Variants in ATP6V0D2 observed in about 807,000 individuals in gnomAD.
ATP6V0D2 encodes V-type proton ATPase subunit d 2.
In ATP6V0D2, 40 loss-of-function variants were observed where a neutral mutation model predicts 40.0. The ratio of observed to expected loss-of-function variants is 1.00; its 90% CI spans 0.78 to 1.30. ATP6V0D2 has a LOEUF of 1.30. Ranked by LOEUF, ATP6V0D2 falls within the 50% of genes most tolerant of loss-of-function variation. The probability of loss-of-function intolerance (pLI) is 0.00; values close to 1 mark genes in which losing one functional copy is unlikely to be tolerated. For synonymous variants in ATP6V0D2, 179 were observed against 156.3 expected (o/e 1.15, Z -1.08); for missense variants, 470 against 423.1 (o/e 1.11, Z -0.97).
intron 4 of ATP6V0D2, 116 bp downstream of exon 4, chr8:86,141,645 A>T: frequency 1.5e-6 from 1 of 671,578 alleles, no homozygotes; most frequent in Non-Finnish European, 2.4e-6. Flanking sequence ...GAAACTGTGC[A>T]TATTTGGAAT....
intron 5 of ATP6V0D2, among the ~76,000 whole-genome samples, chr8:86,146,936 A>G (rs907282245): frequency 1.3e-5 from 2 of 152,120 alleles, no homozygotes; most frequent in African/African-American, 2.4e-5. Context: ...GAGACTTAAT[A>G]TGGTAGAAGA....
In ATP6V0D2 at chr8:86,122,471, T is replaced by G. The variant is rs145088103; in HGVS notation, c.302+8591T>G. 1.9e-3 allele frequency among the ~76,000 whole-genome samples: 291 copies of G among 152,318 alleles called. 1 individual carries two copies. Among genetic ancestry groups the G allele is most frequent in the African/African-American group, 6.5e-3 (269 of 41,570 alleles). On this transcript the variant is annotated intron_variant, in intron 2 of 7. Coordinates refer to ENST00000285393, the MANE Select transcript of ATP6V0D2 (RefSeq NM_152565.1). ...TACATTAGGGTACTGAACACCTTAGTTTACCCAAAGTGTTTCCCAGGACTC... is the reference window on the plus strand; with the variant it reads ...TACATTAGGGTACTGAACACCTTAGGTTACCCAAAGTGTTTCCCAGGACTC...
At chr8:86,108,039 CA>C (rs1818488679) in intron 1 of ATP6V0D2, among the ~76,000 whole-genome samples, 1 of 152,156 alleles carries the variant, frequency 6.6e-6, no homozygotes, top group Non-Finnish European at 1.5e-5. Context: ...AATTCCTTAG[CA>C]ATTTATTTTG....
intron 5 of ATP6V0D2, 65 bp from the exon 6 acceptor site, chr8:86,150,047 T>G: frequency 6.9e-7 from 1 of 1,447,122 alleles, no homozygotes; most frequent in South Asian, 1.3e-5. Context: ...ATGTGTGCAC[T>G]TAAGAGTCTG....
intron 2 of ATP6V0D2, among the ~76,000 whole-genome samples, chr8:86,137,743 G>A (rs1043505950): frequency 2.6e-5 from 4 of 152,136 alleles, no homozygotes; most frequent in Non-Finnish European, 5.9e-5. Flanking sequence ...AGCACATAAT[G>A]TGAGGGTTCA....
chr8:86,100,666 A>AGAG (rs1818385051), intron 1 of ATP6V0D2, among the ~76,000 whole-genome samples: 1 of 152,216 alleles, frequency 6.6e-6, no homozygotes, highest in Non-Finnish European at 1.5e-5. Context: ...GCATATTAAA[A>AGAG]TAAGAGTTTG....
intron 2 of ATP6V0D2, among the ~76,000 whole-genome samples, chr8:86,127,797 G>A (rs1818766907): frequency 6.6e-6 from 1 of 152,184 alleles, no homozygotes; most frequent in South Asian, 2.1e-4. Context: ...ATCTCACATA[G>A]TTCTCTGGTC....
At chr8:86,122,647 A>C (rs1818685107) in intron 2 of ATP6V0D2, among the ~76,000 whole-genome samples, 1 of 152,356 alleles carries the variant, frequency 6.6e-6, no homozygotes, top group African/African-American at 2.4e-5. Context: ...ATGGTGTAAA[A>C]GTAAGACAGA....
intron 2 of ATP6V0D2, among the ~76,000 whole-genome samples, chr8:86,125,887 TTTTA>T (rs1387362045): frequency 6.6e-6 from 1 of 150,498 alleles, no homozygotes; most frequent in Non-Finnish European, 1.5e-5. Context: ...TAAAGATATA[TTTTA>T]TTTAATATAT....
chr8:86,110,378 G>A (rs1353288886), intron 1 of ATP6V0D2, among the ~76,000 whole-genome samples: 1 of 152,264 alleles, frequency 6.6e-6, no homozygotes, highest in Non-Finnish European at 1.5e-5. Context: ...TACAGGCGTG[G>A]GCCACCACGC....
intron 2 of ATP6V0D2, among the ~76,000 whole-genome samples, chr8:86,135,893 T>C (rs182737922): frequency 6.8e-6 from 1 of 147,946 alleles, no homozygotes; most frequent in African/African-American, 2.5e-5. Context: ...TCCCAACCAC[T>C]GCATGCATGA....
intron 1 of ATP6V0D2, among the ~76,000 whole-genome samples, chr8:86,105,339 C>G (rs1246328207): frequency 1.3e-5 from 2 of 152,052 alleles, no homozygotes; most frequent in African/African-American, 4.8e-5. Context: ...GCTCTGACAC[C>G]CAGGCTGGAG....
chr8:86,149,902 T>C (rs759669473), intron 5 of ATP6V0D2, among the ~76,000 whole-genome samples: 3 of 152,096 alleles, frequency 2.0e-5, no homozygotes, highest in Non-Finnish European at 4.4e-5. Flanking sequence ...TAGGTTATCA[T>C]TGCTGCTGTG....
intron 3 of ATP6V0D2, among the ~76,000 whole-genome samples, chr8:86,140,510 TC>T (rs1209195481): frequency 9.2e-5 from 14 of 152,202 alleles, no homozygotes; most frequent in Admixed American, 7.2e-4. Flanking sequence ...AATAATCGTA[TC>T]TTTTTATAAC....
intron 5 of ATP6V0D2, among the ~76,000 whole-genome samples, chr8:86,144,869 G>C (rs1819025803): frequency 6.6e-6 from 1 of 151,702 alleles, no homozygotes; most frequent in Non-Finnish European, 1.5e-5. Flanking sequence ...AAAAGACCAG[G>C]TCTTGGCTGG....
chr8:86,141,819 A>G (rs1818978528), intron 4 of ATP6V0D2, among the ~76,000 whole-genome samples: 1 of 152,162 alleles, frequency 6.6e-6, no homozygotes, highest in Non-Finnish European at 1.5e-5. Context: ...TGGTAGGTGA[A>G]GAAATGGGGT....
intron 5 of ATP6V0D2, among the ~76,000 whole-genome samples, chr8:86,145,231 GAAAGAGAGAGAGA>G (rs1819038141): frequency 2.4e-5 from 1 of 41,674 alleles, no homozygotes; most frequent in Admixed American, 2.4e-4. Flanking sequence ...AAGAAAGAAA[GAAAGAGAGAGAGA>G]GAGAGAGAGA....
chr8:86,106,476 G>T (rs1248359304), intron 1 of ATP6V0D2, among the ~76,000 whole-genome samples: 1 of 152,172 alleles, frequency 6.6e-6, no homozygotes, highest in Non-Finnish European at 1.5e-5. Context: ...CTAACTCCCA[G>T]TTCACTGGGA....
intron 1 of ATP6V0D2, among the ~76,000 whole-genome samples, chr8:86,112,932 C>A (rs77555136): frequency 2.4e-4 from 37 of 152,184 alleles, no homozygotes; most frequent in Non-Finnish European, 4.4e-4. Context: ...TCAATTTCTT[C>A]GTCTGTAATA....
Sources: gnomAD v4.1 joint callset for allele counts (sites outside exome capture counted in the v4.1 genomes callset) on GRCh38, gnomAD v4.1.1 for gene constraint, MANE v1.5 for transcripts, NCBI Gene and HGNC (gene_info 2026-07-23, HGNC 2026-07-21) for gene names.